Variants in SAMD12 observed in about 807,000 individuals in gnomAD.
The protein encoded by SAMD12 is sterile alpha motif domain containing 12, also known as sterile alpha motif domain-containing protein 12.
Under a neutral mutation model 15.0 loss-of-function variants are expected in SAMD12, and 9 were observed. The ratio of observed to expected loss-of-function variants is 0.60; its 90% CI spans 0.36 to 1.05. The LOEUF is 1.05. Among genes scored for constraint, SAMD12 ranks in the 50% least tolerant of loss-of-function variants. The probability of loss-of-function intolerance (pLI) is 0.01; values close to 1 mark genes in which losing one functional copy is unlikely to be tolerated. For synonymous variants in SAMD12, 86 were observed against 90.1 expected, an observed-to-expected ratio of 0.96 and a Z score of 0.25; for missense variants, 230 against 234.2, an observed-to-expected ratio of 0.98 and a Z score of 0.12.
chr8:118,387,864 G>A (rs1272950714), intron 3 of SAMD12, among the ~76,000 whole-genome samples: 1 of 152,156 alleles, frequency 6.6e-6, no homozygotes, highest in Non-Finnish European at 1.5e-5. Context: ...CTATGCACAA[G>A]GGCGTAATGT....
chr8:118,585,541 T>TTTTTA lies in SAMD12; in HGVS notation c.14-4649_14-4648insTAAAA, dbSNP rs199832580. Among the ~76,000 whole-genome samples the TTTTTA allele has an allele frequency of 9.5e-3, 1,440 of 152,316 alleles. 15 individuals are homozygous for TTTTTA. Among genetic ancestry groups the TTTTTA allele is most frequent in the African/African-American group, 0.031 (1,285 of 41,574 alleles). On this transcript the variant is annotated intron_variant, in intron 1 of 3. Transcript: ENST00000314727. ...ATACCTCCATAAATGGAAAGAGAGG[T>TTTTTA]TCCAAAGATATTTTTATTCAAAGGT... is the stretch of plus-strand genomic sequence containing the variant.
chr8:118,306,536 C>T (rs1815359090), intron 4 of SAMD12, among the ~76,000 whole-genome samples: 1 of 152,254 alleles, frequency 6.6e-6, no homozygotes, highest in Non-Finnish European at 1.5e-5. Flanking sequence ...CATCCTGGAA[C>T]ATGAGAACAA....
At chr8:118,347,217 C>A (rs973732962) in intron 4 of SAMD12, among the ~76,000 whole-genome samples, 1 of 152,242 alleles carries the variant, frequency 6.6e-6, no homozygotes, top group Non-Finnish European at 1.5e-5. Flanking sequence ...GCATGAGCCA[C>A]TGGGCCCAGT....
At chr8:118,312,986 C>G (rs1815704497) in intron 4 of SAMD12, among the ~76,000 whole-genome samples, 1 of 152,146 alleles carries the variant, frequency 6.6e-6, no homozygotes, top group Non-Finnish European at 1.5e-5. Flanking sequence ...GACTAAACCA[C>G]ATTGGTAGGG....
chr8:118,433,511 G>T (rs1467827413), intron 3 of SAMD12, among the ~76,000 whole-genome samples: 3 of 151,132 alleles, frequency 2.0e-5, no homozygotes, highest in East Asian at 3.9e-4. Flanking sequence ...TCAAGAAAAC[G>T]AAGTTCAGTA....
chr8:118,395,851 G>A (rs1017234326), intron 3 of SAMD12, among the ~76,000 whole-genome samples: 9 of 151,608 alleles, frequency 5.9e-5, no homozygotes, highest in Non-Finnish European at 7.4e-5. Context: ...CCAGCTACTC[G>A]GGAGGCTGAG....
chr8:118,223,787 G>A (rs1486763522), intron 4 of SAMD12, among the ~76,000 whole-genome samples: 2 of 152,214 alleles, frequency 1.3e-5, no homozygotes, highest in Non-Finnish European at 2.9e-5. Context: ...AGTAGGGCAA[G>A]ATAGAGTTGA....
chr8:118,230,076 A>C (rs1812274480), intron 4 of SAMD12, among the ~76,000 whole-genome samples: 1 of 152,074 alleles, frequency 6.6e-6, no homozygotes, highest in Admixed American at 6.6e-5. Flanking sequence ...ACATCCCTGA[A>C]AAGCTGCCAA....
At chr8:118,535,684 C>T (rs949790063) in intron 2 of SAMD12, among the ~76,000 whole-genome samples, 1 of 152,238 alleles carries the variant, frequency 6.6e-6, no homozygotes, top group Non-Finnish European at 1.5e-5. Flanking sequence ...CCGCCTTGCA[C>T]TTCCATCTCA....
At chr8:118,238,073 A>G (rs1812475697) in intron 4 of SAMD12, among the ~76,000 whole-genome samples, 1 of 152,214 alleles carries the variant, frequency 6.6e-6, no homozygotes, top group Admixed American at 6.6e-5. Context: ...GGAAAGCACA[A>G]GAGCTCTCTA....
chr8:118,371,993 T>C (rs1267241723), intron 4 of SAMD12, among the ~76,000 whole-genome samples: 2 of 152,048 alleles, frequency 1.3e-5, no homozygotes, highest in African/African-American at 4.8e-5. Context: ...TGCTATCCAA[T>C]GATAAAGCAG....
the SAMD12 span, among the ~76,000 whole-genome samples, chr8:118,136,864 G>A: frequency 3.3e-5 from 5 of 152,204 alleles, no homozygotes; most frequent in East Asian, 1.9e-4. Flanking sequence ...GGGCTTCTGT[G>A]TGAGTAGATT....
chr8:118,534,149 A>G (rs1825767863), intron 2 of SAMD12, among the ~76,000 whole-genome samples: 1 of 152,108 alleles, frequency 6.6e-6, no homozygotes. Context: ...TGGTGACAAA[A>G]TCTCTCAGCA....
chr8:118,174,349 G>C, the SAMD12 span, among the ~76,000 whole-genome samples: 1 of 152,118 alleles, frequency 6.6e-6, no homozygotes, highest in Admixed American at 6.6e-5. Flanking sequence ...TTGATTTTTG[G>C]GGTTGTTTTG....
intron 1 of SAMD12, among the ~76,000 whole-genome samples, chr8:118,616,149 A>G: frequency 6.6e-6 from 1 of 152,240 alleles, no homozygotes; most frequent in East Asian, 1.9e-4. Context: ...TAATTAGTTT[A>G]ACAATCACAC....
intron 2 of SAMD12, among the ~76,000 whole-genome samples, chr8:118,486,685 G>C (rs768891949): frequency 5.9e-5 from 9 of 151,778 alleles, no homozygotes; most frequent in Non-Finnish European, 1.3e-4. Context: ...ATCAGTGTTG[G>C]TTTAAGCAAC....
At chr8:118,521,590 C>A (rs933935551) in intron 2 of SAMD12, among the ~76,000 whole-genome samples, 1 of 152,168 alleles carries the variant, frequency 6.6e-6, no homozygotes, top group African/African-American at 2.4e-5. Flanking sequence ...CAGATATGCA[C>A]ATGTATGGCT....
chr8:118,183,279 C>T, the SAMD12 span, among the ~76,000 whole-genome samples: 3 of 152,212 alleles, frequency 2.0e-5, no homozygotes, highest in Admixed American at 6.5e-5. Flanking sequence ...TCTATCATAT[C>T]TTCTTCACCA....
At chr8:118,453,449 G>C (rs1165120255) in intron 2 of SAMD12, among the ~76,000 whole-genome samples, 2 of 152,012 alleles carry the variant, frequency 1.3e-5, no homozygotes, top group African/African-American at 2.4e-5. Context: ...TATGCCAGCA[G>C]TTGCTTAAAT....
Sources: allele counts gnomAD v4.1 joint callset (sites outside exome capture counted in the v4.1 genomes callset), GRCh38; gene constraint gnomAD v4.1.1; transcripts MANE v1.5; gene names NCBI Gene and HGNC (gene_info 2026-07-23, HGNC 2026-07-21).